C17orf100: variants seen among roughly 807,000 people sequenced by gnomAD.
C17orf100 encodes chromosome 17 open reading frame 100, also known as uncharacterized protein C17orf100.
In C17orf100, 1 loss-of-function variant was observed where a neutral mutation model predicts 0.7. The observed-to-expected ratio is 1.50, with a 90% confidence interval of 0.53 to 7.13. The LOEUF is 7.13. Ranked by LOEUF, C17orf100 falls within the 30% of genes most tolerant of loss-of-function variation. The probability of loss-of-function intolerance (pLI) is 0.14; values close to 1 mark genes in which losing one functional copy is unlikely to be tolerated. For synonymous variants in C17orf100, 87 were observed against 84.0 expected (o/e 1.04, Z -0.20); for missense variants, 168 against 171.5 (o/e 0.98, Z 0.11).
In C17orf100 at chr17:6,653,090, C is replaced by G. The variant is rs1972858971; in HGVS notation, c.*820C>G. ...ACTAAACATCATGGCTTAGCCTAGCCTACCTTAAACATGCTCAGAACACCT... is the reference window on the plus strand; with the variant it reads ...ACTAAACATCATGGCTTAGCCTAGCGTACCTTAAACATGCTCAGAACACCT... On this transcript the variant is annotated 3_prime_UTR_variant, in exon 1 of 1. Coordinates refer to ENST00000542475, the MANE Select transcript of C17orf100 (RefSeq NM_001105520.2). 6.0e-6 allele frequency: 1 copy of G among 166,966 alleles called. No individual in the cohort carries two copies. Among genetic ancestry groups the G allele is most frequent in the African/African-American group, 2.4e-5 (1 of 41,466 alleles). The allele number at this position is 166,966 out of a possible 1,614,324, so 10.3% of individuals were successfully genotyped here.
In C17orf100 at chr17:6,651,791, C is replaced by T. The variant is rs1476004245; in HGVS notation, c.-123C>T. ...TAGCCTTCGAAGGACCATGGTGCTT[C>T]CACGTCATCGTGTTGTGGCGCTCCC... On this transcript the variant is annotated 5_prime_UTR_variant, in exon 1 of 1. Coordinates refer to ENST00000542475, the MANE Select transcript of C17orf100 (RefSeq NM_001105520.2). The T allele has an allele frequency of 1.4e-6, 2 of 1,442,328 alleles. No individual in the cohort carries two copies. The highest frequency in any genetic ancestry group is 5.0e-5 in the East Asian group (2 of 40,122). The allele number at this position is 1,442,328 out of a possible 1,614,324, so 89.3% of individuals were successfully genotyped here.
chr17:6,652,617 T>A lies in C17orf100; in HGVS notation c.*347T>A. 1.6e-6 allele frequency: 1 copy of A among 640,638 alleles called. No individual in the cohort carries two copies. The highest frequency in any genetic ancestry group is 2.3e-6 in the Non-Finnish European group (1 of 433,280). The allele number at this position is 640,638 out of a possible 1,614,324, so 39.7% of individuals were successfully genotyped here. A position where few individuals can be genotyped will look rare whatever the true frequency, so the allele number is the denominator to read the frequency against. On this transcript the variant is annotated 3_prime_UTR_variant, in exon 1 of 1. Coordinates refer to ENST00000542475, the MANE Select transcript of C17orf100 (RefSeq NM_001105520.2). The stretch of plus-strand genomic sequence containing the variant: ...CAGGTGAGTTTGGGATCCACAGCCC[T>A]CAGAAAACCTTCACCCCTTAGGAAC...
In C17orf100 at chr17:6,651,979, G is replaced by A. The variant is rs774237233; in HGVS notation, c.66G>A (p.Thr22=). Residue 22 remains threonine (T), a synonymous_variant, in exon 1 of 1, where the codon ACG becomes ACA. Transcript: ENST00000542475. The part of the protein sequence containing the change: ...PRVGTTRYTE[T]STVRVETSSH... ...TGGGGACCACCCGCTACACAGAGAC[G>A]TCCACGGTCCGCGTGGAGACCTCGT... 1 of 1,550,768 alleles carries A rather than the reference G, an allele frequency of 6.4e-7. No homozygotes were observed. Among genetic ancestry groups the A allele is most frequent in the South Asian group, 1.2e-5 (1 of 83,802 alleles).
rs1296899540 is a variant in C17orf100, at chr17:6,652,998, C to A, written c.*728C>A. On this transcript the variant is annotated 3_prime_UTR_variant, in exon 1 of 1. Transcript: ENST00000542475. ...TGTTCCTCCACTTACGATGGGGTTA[C>A]CTCCCGTTGAAACTATTGTAAGTTG... is the stretch of plus-strand genomic sequence containing the variant. 6.0e-6 allele frequency: 1 copy of A among 167,100 alleles called. No homozygotes were observed. The highest frequency in any genetic ancestry group is 2.4e-5 in the African/African-American group (1 of 41,446). The allele number at this position is 167,100 out of a possible 1,614,324, so 10.4% of individuals were successfully genotyped here.
chr17:6,652,245 G>C lies in C17orf100; in HGVS notation c.332G>C (p.Arg111Pro), dbSNP rs1442072155. The change falls in exon 1 of 1, where the codon CGC (arginine) becomes CCC (proline). Residue 111 changes from arginine (R) to proline (P), a missense_variant. Arg to Pro is a moderately radical substitution (Grantham distance 103, BLOSUM62 -2). Coordinates refer to ENST00000542475, the MANE Select transcript of C17orf100 (RefSeq NM_001105520.2). The stretch of plus-strand genomic sequence containing the variant: ...ACCCCGCGGGCCAAGCCGGCCGCCC[G>C]CCAGAACGAAAAAACGGCCCGATGA... ...SPTPRAKPAA[R>P]QNEKTAR is the part of the protein sequence containing the mutation. 6.2e-7 allele frequency: 1 copy of C among 1,609,840 alleles called. No homozygotes were observed. The highest frequency in any genetic ancestry group is 8.5e-7 in the Non-Finnish European group (1 of 1,179,744).
chr17:6,652,170 G>A lies in C17orf100; in HGVS notation c.257G>A (p.Arg86Lys), dbSNP rs1011176808. ...ACGGAAACGACCTCCCGCCACGTCAGAGCCTCGTCCCTGAGGGTGGAGACG... is the reference window on the plus strand; with the variant it reads ...ACGGAAACGACCTCCCGCCACGTCAAAGCCTCGTCCCTGAGGGTGGAGACG... Reference protein sequence around the residue: ...QRTETTSRHVRASSLRVETSL... With the variant: ...QRTETTSRHVKASSLRVETSL... The change falls in exon 1 of 1, where the codon AGA becomes AAA. Residue 86 changes from arginine (R) to lysine (K), a missense_variant. Transcript: ENST00000542475. The A allele has an allele frequency of 2.5e-6, 4 of 1,604,264 alleles. No homozygotes were observed. Among genetic ancestry groups the A allele is most frequent in the Non-Finnish European group, 3.4e-6 (4 of 1,179,426 alleles).
Position 6,652,597 on chromosome 17 carries a change from G to A in C17orf100, c.*327G>A, listed in dbSNP as rs988806940. 3.2e-6 allele frequency: 3 copies of A among 941,966 alleles called. No individual in the cohort carries two copies. The highest frequency in any genetic ancestry group is 4.3e-6 in the Non-Finnish European group (3 of 694,424). 58.4% of individuals were successfully genotyped at this position (941,966 alleles called of 1,614,324 possible). On this transcript the variant is annotated 3_prime_UTR_variant, in exon 1 of 1. Transcript: ENST00000542475. ...GGCTGTTTGAGCCTCTGAGCCAGGTGAGTTTGGGATCCACAGCCCTCAGAA... is the reference window on the plus strand; with the variant it reads ...GGCTGTTTGAGCCTCTGAGCCAGGTAAGTTTGGGATCCACAGCCCTCAGAA...
Position 6,652,208 on chromosome 17 carries a change from G to A in C17orf100, c.295G>A (p.Ala99Thr). Residue 99 changes from alanine to threonine, a missense_variant, in exon 1 of 1, where the codon GCG becomes ACG. Physicochemically the swap from Ala to Thr is moderately conservative, Grantham distance 58. Transcript: ENST00000542475. ...SLRVETSLHC[A>T]ESPTPRAKPA... ...GAGGGTGGAGACGTCTCTGCACTGC[G>A]CGGAGAGCCCGACCCCGCGGGCCAA... 6.2e-7 allele frequency: 1 copy of A among 1,606,446 alleles called. No homozygotes were observed. The highest frequency in any genetic ancestry group is 1.1e-5 in the South Asian group (1 of 91,038).
chr17:6,652,102 C>T lies in C17orf100; in HGVS notation c.189C>T (p.Ile63=), dbSNP rs1350240403. The T allele has an allele frequency of 3.2e-6, 5 of 1,585,324 alleles. No individual in the cohort carries two copies. Among genetic ancestry groups the T allele is most frequent in the Non-Finnish European group, 3.4e-6 (4 of 1,171,054 alleles). The change falls in exon 1 of 1, where the codon ATC becomes ATT. Residue 63 remains isoleucine (I), a synonymous_variant. Transcript: ENST00000542475. ...LSPSGKRLPR[I]LEASSRHVES... is the part of the protein sequence containing the mutation. ...CCTCGGGGAAGCGGCTCCCTCGCAT[C>T]CTCGAGGCGTCCTCCCGGCACGTGG...
In C17orf100 at chr17:6,652,519, A is replaced by T; in HGVS notation, c.*249A>T. ...AACTATTTTCACTTGAAGCCAGCAC[A>T]GAAGGTTTTCAGGCCCAGGATGCTG... On this transcript the variant is annotated 3_prime_UTR_variant, in exon 1 of 1. Transcript: ENST00000542475. 7.0e-7 allele frequency: 1 copy of T among 1,421,688 alleles called. No homozygotes were observed. Among genetic ancestry groups the T allele is most frequent in the Non-Finnish European group, 9.2e-7 (1 of 1,081,564 alleles). The allele number at this position is 1,421,688 out of a possible 1,614,324, so 88.1% of individuals were successfully genotyped here. A position where few individuals can be genotyped will look rare whatever the true frequency, so the allele number is the denominator to read the frequency against.
At position 6,652,538 on chromosome 17, in the gene C17orf100, G is replaced by A; in HGVS notation, c.*268G>A. ...CAGCACAGAAGGTTTTCAGGCCCAG[G>A]ATGCTGTCTAAATCGGGTTGATGGA... is the stretch of plus-strand genomic sequence containing the variant. On this transcript the variant is annotated 3_prime_UTR_variant, in exon 1 of 1. Transcript: ENST00000542475. 1.4e-6 allele frequency: 2 copies of A among 1,382,210 alleles called. No individual in the cohort carries two copies. Among genetic ancestry groups the A allele is most frequent in the Admixed American group, 6.2e-5 (2 of 32,226 alleles). The allele number at this position is 1,382,210 out of a possible 1,614,324, so 85.6% of individuals were successfully genotyped here. A position where few individuals can be genotyped will look rare whatever the true frequency, so the allele number is the denominator to read the frequency against.
rs548177415 is a variant in C17orf100 at position 6,653,367 on chromosome 17, C to G, written c.*1097C>G. 1 of 163,164 alleles carries G rather than the reference C, an allele frequency of 6.1e-6. No individual in the cohort carries two copies. Among genetic ancestry groups the G allele is most frequent in the South Asian group, 2.1e-4 (1 of 4,822 alleles). The allele number at this position is 163,164 out of a possible 1,614,324, so 10.1% of individuals were successfully genotyped here. ...CAGTAAAAAAGGCAAAGTCCCAGCT[C>G]TAGTGGAGCTTACACTCTGGTGAAA... On this transcript the variant is annotated 3_prime_UTR_variant, in exon 1 of 1. Coordinates refer to ENST00000542475, the MANE Select transcript of C17orf100 (RefSeq NM_001105520.2).
At position 6,652,628 on chromosome 17, in the gene C17orf100, T is replaced by TC. The variant is rs796987373; in HGVS notation, c.*359dup. 26 of 562,690 alleles carry TC rather than the reference T, an allele frequency of 4.6e-5. No homozygotes were observed. The highest frequency in any genetic ancestry group is 4.6e-4 in the African/African-American group (23 of 50,294). The allele number at this position is 562,690 out of a possible 1,614,324, so 34.9% of individuals were successfully genotyped here. ...GGGATCCACAGCCCTCAGAAAACCT[T>TC]CACCCCTTAGGAACAGAGACCAAAC... On this transcript the variant is annotated 3_prime_UTR_variant, in exon 1 of 1. Coordinates refer to ENST00000542475, the MANE Select transcript of C17orf100 (RefSeq NM_001105520.2).
rs374365568 is a variant in C17orf100 at position 6,652,162 on chromosome 17, C to T, written c.249C>T (p.Arg83=). 23 of 1,603,116 alleles carry T rather than the reference C, an allele frequency of 1.4e-5. No individual in the cohort carries two copies. The highest frequency in any genetic ancestry group is 1.9e-5 in the Non-Finnish European group (22 of 1,179,164). ...SSSQRTETTS[R]HVRASSLRVE... The stretch of plus-strand genomic sequence containing the variant: ...CGCAGCGCACGGAAACGACCTCCCG[C>T]CACGTCAGAGCCTCGTCCCTGAGGG... Residue 83 remains arginine (R), a synonymous_variant, in exon 1 of 1, where the codon CGC becomes CGT. Transcript: ENST00000542475.
At position 6,651,946 on chromosome 17, in the gene C17orf100, GC is replaced by G; in HGVS notation, c.37del (p.Arg13GlyfsTer78). 1 of 1,516,960 alleles carries G rather than the reference GC, an allele frequency of 6.6e-7. No individual in the cohort carries two copies. The highest frequency in any genetic ancestry group is 8.9e-7 in the Non-Finnish European group (1 of 1,128,010). The allele number at this position is 1,516,960 out of a possible 1,614,324, so 94.0% of individuals were successfully genotyped here. A position where few individuals can be genotyped will look rare whatever the true frequency, so the allele number is the denominator to read the frequency against. On this transcript the variant is annotated frameshift_variant, in exon 1 of 1. Transcript: ENST00000542475. LOFTEE classifies it low-confidence loss of function (END_TRUNC). The stretch of plus-strand genomic sequence containing the variant: ...CAGCCCGAGGGGCCAAGCAGTCTTC[GC>G]CCCGGGTGGGGACCACCCGCTACAC... ...ASARGAKQSS[P>X]RVGTTRYTET... is the part of the protein sequence containing the mutation.
Position 6,652,231 on chromosome 17 carries a change from C to G in C17orf100, c.318C>G (p.Ala106=). Residue 106 remains alanine, a synonymous_variant, in exon 1 of 1, where the codon GCC becomes GCG. Transcript: ENST00000542475. The stretch of plus-strand genomic sequence containing the variant: ...GCGCGGAGAGCCCGACCCCGCGGGC[C>G]AAGCCGGCCGCCCGCCAGAACGAAA... ...LHCAESPTPR[A]KPAARQNEKT... is the part of the protein sequence containing the mutation. 1 of 1,608,134 alleles carries G rather than the reference C, an allele frequency of 6.2e-7. No homozygotes were observed. The highest frequency in any genetic ancestry group is 2.2e-5 in the East Asian group (1 of 44,858).
In C17orf100 at chr17:6,651,950, C is replaced by T. The variant is rs781074770; in HGVS notation, c.37C>T (p.Arg13Trp). Residue 13 changes from arginine to tryptophan, a missense_variant, in exon 1 of 1, where the codon CGG (arginine) becomes TGG (tryptophan). Coordinates refer to ENST00000542475, the MANE Select transcript of C17orf100 (RefSeq NM_001105520.2). ...CCGAGGGGCCAAGCAGTCTTCGCCC[C>T]GGGTGGGGACCACCCGCTACACAGA... Reference protein sequence around the residue: ...SARGAKQSSPRVGTTRYTETS... With the variant: ...SARGAKQSSPWVGTTRYTETS... 3 of 1,522,316 alleles carry T rather than the reference C, an allele frequency of 2.0e-6. No individual in the cohort carries two copies. Among genetic ancestry groups the T allele is most frequent in the East Asian group, 2.5e-5 (1 of 40,782 alleles). The allele number at this position is 1,522,316 out of a possible 1,614,324, so 94.3% of individuals were successfully genotyped here.
At position 6,652,109 on chromosome 17, in the gene C17orf100, G is replaced by T; in HGVS notation, c.196G>T (p.Ala66Ser). The part of the protein sequence containing the change: ...SGKRLPRILE[A>S]SSRHVESSSQ... ...GAAGCGGCTCCCTCGCATCCTCGAG[G>T]CGTCCTCCCGGCACGTGGAATCCTC... The change falls in exon 1 of 1, where the codon GCG becomes TCG. Residue 66 changes from alanine (A) to serine (S), a missense_variant. Physicochemically the swap from Ala to Ser is moderately conservative, Grantham distance 99. Coordinates refer to ENST00000542475, the MANE Select transcript of C17orf100 (RefSeq NM_001105520.2). The T allele has an allele frequency of 1.3e-6, 2 of 1,587,482 alleles. No homozygotes were observed. The highest frequency in any genetic ancestry group is 8.5e-7 in the Non-Finnish European group (1 of 1,172,446).
chr17:6,652,621 A>AT lies in C17orf100; in HGVS notation c.*351_*352insT, dbSNP rs1303892109. On this transcript the variant is annotated 3_prime_UTR_variant, in exon 1 of 1. Transcript: ENST00000542475. ...TGAGTTTGGGATCCACAGCCCTCAG[A>AT]AAACCTTCACCCCTTAGGAACAGAG... 1 of 623,626 alleles carries AT rather than the reference A, an allele frequency of 1.6e-6. No homozygotes were observed. The highest frequency in any genetic ancestry group is 2.4e-6 in the Non-Finnish European group (1 of 417,692). 38.6% of individuals were successfully genotyped at this position (623,626 alleles called of 1,614,324 possible). A position where few individuals can be genotyped will look rare whatever the true frequency, so the allele number is the denominator to read the frequency against.
Sources: allele counts gnomAD v4.1 joint callset, GRCh38; gene constraint gnomAD v4.1.1; transcripts MANE v1.5; gene names NCBI Gene and HGNC (gene_info 2026-07-23, HGNC 2026-07-21).